RPH3AL: variants seen among roughly 807,000 people sequenced by gnomAD.
RPH3AL encodes the protein rabphilin 3A like (without C2 domains).
Under a neutral mutation model 43.1 loss-of-function variants are expected in RPH3AL, and 38 were observed. That is an observed-to-expected ratio of 0.88 (90% CI 0.68 to 1.15). The LOEUF (loss-of-function observed/expected upper bound fraction) is 1.15. Ranked by LOEUF, RPH3AL falls within the 50% of genes most tolerant of loss-of-function variation. RPH3AL has a pLI of 0.00. For synonymous variants in RPH3AL, 189 were observed against 176.3 expected, an observed-to-expected ratio of 1.07 and a Z score of -0.57; for missense variants, 462 against 423.2, an observed-to-expected ratio of 1.09 and a Z score of -0.81.
At position 213,628 on chromosome 17, in the gene RPH3AL, G is replaced by A. The variant is rs905227268; in HGVS notation, c.*224C>T. ...GGGGAGGGTAATAAATAAGGTCGGG[G>A]GCTGAGGGCAGTGGTTGGAGGGGGT... is the stretch of plus-strand genomic sequence containing the variant. On this transcript the variant is annotated 3_prime_UTR_variant, in exon 10 of 10. Transcript: ENST00000331302. 7.2e-5 allele frequency: 43 copies of A among 594,478 alleles called. No homozygotes were observed. The highest frequency in any genetic ancestry group is 9.9e-5 in the Non-Finnish European group (33 of 332,228). 36.8% of individuals were successfully genotyped at this position (594,478 alleles called of 1,614,324 possible).
At chr17:260,420 G>A (rs781919704) in intron 6 of RPH3AL, among the ~76,000 whole-genome samples, 70 of 152,268 alleles carry the variant, frequency 4.6e-4, no homozygotes, top group Non-Finnish European at 7.4e-4. Context: ...CTGGATTCCC[G>A]GGACCCAGTG....
Position 321,428 on chromosome 17 carries a change from C to A in RPH3AL, c.78-13G>T. On this transcript the variant is annotated splice_polypyrimidine_tract_variant and intron_variant, in intron 3 of 9. Transcript: ENST00000331302. ...GCCCGTCTGCAGCCTCGAGAGGGAACAGCACAGACGGCGTGGAGGCCTCCC... is the reference window on the plus strand; with the variant it reads ...GCCCGTCTGCAGCCTCGAGAGGGAAAAGCACAGACGGCGTGGAGGCCTCCC... The A allele has an allele frequency of 6.3e-7, 1 of 1,593,454 alleles. No individual in the cohort carries two copies. The highest frequency in any genetic ancestry group is 2.2e-5 in the East Asian group (1 of 44,458).
chr17:311,026 A>G (rs1432714610), intron 5 of RPH3AL, among the ~76,000 whole-genome samples: 1 of 151,806 alleles, frequency 6.6e-6, no homozygotes, highest in Non-Finnish European at 1.5e-5. Flanking sequence ...ACTCCCCTGC[A>G]CCTGCCCATT....
At position 258,824 on chromosome 17, in the gene RPH3AL, G is replaced by A. The variant is rs117663427; in HGVS notation, c.439-11539C>T. Among the ~76,000 whole-genome samples the A allele has an allele frequency of 6.3e-4, 90 of 143,726 alleles. No homozygotes were observed. In the East Asian group the frequency reaches 0.011, roughly 18 times the overall value. The allele number at this position is 143,726 out of a possible 152,430, so 94.3% of individuals were successfully genotyped here. On this transcript the variant is annotated intron_variant, in intron 6 of 9. Coordinates refer to ENST00000331302, the MANE Select transcript of RPH3AL (RefSeq NM_006987.4). Reference sequence around the variant, plus strand: ...TGCCCAGGCTGGAGTGCAATGGCACGATCATGGCTCACTGCAGCCTTGACA... The same window carrying A: ...TGCCCAGGCTGGAGTGCAATGGCACAATCATGGCTCACTGCAGCCTTGACA...
intron 5 of RPH3AL, among the ~76,000 whole-genome samples, chr17:301,804 C>T (rs370396276): frequency 5.3e-5 from 8 of 152,134 alleles, no homozygotes; most frequent in East Asian, 3.9e-4. Flanking sequence ...TGACCCGAGC[C>T]GTAGGAGTCA....
At chr17:231,954 G>A (rs1038484196) in intron 7 of RPH3AL, among the ~76,000 whole-genome samples, 7 of 152,382 alleles carry the variant, frequency 4.6e-5, no homozygotes, top group South Asian at 2.1e-4. Flanking sequence ...GGAAGAGGTC[G>A]GGTGTGGCAG....
At chr17:278,538 T>C (rs960010436) in intron 6 of RPH3AL, among the ~76,000 whole-genome samples, 8 of 151,922 alleles carry the variant, frequency 5.3e-5, no homozygotes, top group Non-Finnish European at 8.8e-5. Flanking sequence ...CTACTTGGAA[T>C]GCTTTCCCTC....
intron 6 of RPH3AL, among the ~76,000 whole-genome samples, chr17:277,247 A>G (rs1054724586): frequency 1.1e-4 from 16 of 152,242 alleles, no homozygotes; most frequent in African/African-American, 3.6e-4. Flanking sequence ...ATTCATTTTA[A>G]AACACAGGTT....
In RPH3AL at chr17:269,224, G is replaced by A. The variant is rs8082097; in HGVS notation, c.438+12544C>T. 3.2e-3 allele frequency among the ~76,000 whole-genome samples: 480 copies of A among 151,956 alleles called. 2 individuals are homozygous for A. Among genetic ancestry groups the A allele is most frequent in the African/African-American group, 0.011 (445 of 41,454 alleles). On this transcript the variant is annotated intron_variant, in intron 6 of 9. Coordinates refer to ENST00000331302, the MANE Select transcript of RPH3AL (RefSeq NM_006987.4). Reference sequence around the variant, plus strand: ...GAGGGATCGCCATGTTGCCCAGGCTGGTCTTGAACTTCTGTGGCCTCAAGC... The same window carrying A: ...GAGGGATCGCCATGTTGCCCAGGCTAGTCTTGAACTTCTGTGGCCTCAAGC...
chr17:302,871 G>A lies in RPH3AL; in HGVS notation c.351+16549C>T, dbSNP rs952000066. Among the ~76,000 whole-genome samples the A allele has an allele frequency of 4.6e-5, 7 of 152,258 alleles. 1 individual carries two copies. The highest frequency in any genetic ancestry group is 4.6e-4 in the Admixed American group (7 of 15,288). Reference sequence around the variant, plus strand: ...AGGCATCCACCCTGCGAACATTTGTGTGAGTGCGAAGAGACAGAGAAGGTG... The same window carrying A: ...AGGCATCCACCCTGCGAACATTTGTATGAGTGCGAAGAGACAGAGAAGGTG... On this transcript the variant is annotated intron_variant, in intron 5 of 9. Coordinates refer to ENST00000331302, the MANE Select transcript of RPH3AL (RefSeq NM_006987.4).
chr17:230,562 T>G (rs2041208109), intron 7 of RPH3AL, among the ~76,000 whole-genome samples: 1 of 152,160 alleles, frequency 6.6e-6, no homozygotes, highest in Non-Finnish European at 1.5e-5. Flanking sequence ...TGGACTCCTC[T>G]GGGGCCAGGA....
intron 5 of RPH3AL, among the ~76,000 whole-genome samples, chr17:315,079 C>T (rs1555519408): frequency 1.4e-5 from 2 of 146,408 alleles, no homozygotes. Flanking sequence ...TGTGCTCCAC[C>T]TCCACTGAAT....
chr17:317,199 C>A (rs79530110), intron 5 of RPH3AL, among the ~76,000 whole-genome samples: 1 of 97,206 alleles, frequency 1.0e-5, no homozygotes, highest in African/African-American at 3.1e-5. Context: ...ACCTGTAGTC[C>A]CTGTACTCCA....
chr17:293,026 C>A (rs910355706), intron 5 of RPH3AL, among the ~76,000 whole-genome samples: 1 of 152,214 alleles, frequency 6.6e-6, no homozygotes, highest in Non-Finnish European at 1.5e-5. Flanking sequence ...TGGCTGCTGG[C>A]GGCTCCCAGG....
In RPH3AL at chr17:225,449, G is replaced by A. The variant is rs1007719171; in HGVS notation, c.614-5713C>T. ...AGCATTTCTGTAGTTTTGACTCACT[G>A]ATGAGATGCCAACCTCATGGGTCCC... is the stretch of plus-strand genomic sequence containing the variant. On this transcript the variant is annotated intron_variant, in intron 7 of 9. Coordinates refer to ENST00000331302, the MANE Select transcript of RPH3AL (RefSeq NM_006987.4). The surrounding 1 kb of genome is among the most constrained non-coding windows in gnomAD (Gnocchi z 4.4). 1.3e-5 allele frequency among the ~76,000 whole-genome samples: 2 copies of A among 152,162 alleles called. No individual in the cohort carries two copies. Among genetic ancestry groups the A allele is most frequent in the African/African-American group, 4.8e-5 (2 of 41,428 alleles).
rs753509259 is a variant in RPH3AL at position 319,543 on chromosome 17, C to A, written c.228G>T (p.Leu76=). The A allele has an allele frequency of 4.3e-6, 7 of 1,610,790 alleles. No homozygotes were observed. The highest frequency in any genetic ancestry group is 5.9e-6 in the Non-Finnish European group (7 of 1,179,952). ...DVLEQQRIGR[L]VERLETMRRN... Reference sequence around the variant, plus strand: ...GCCTCATGGTCTCCAGCCGCTCCACCAGCCGCCTGCAGCACAGGACACAGA... The same window carrying A: ...GCCTCATGGTCTCCAGCCGCTCCACAAGCCGCCTGCAGCACAGGACACAGA... Residue 76 remains leucine, a synonymous_variant, in exon 5 of 10, where the codon CTG becomes CTT. Transcript: ENST00000331302.
chr17:321,974 A>C (rs767793567), intron 3 of RPH3AL, among the ~76,000 whole-genome samples: 30 of 152,374 alleles, frequency 2.0e-4, no homozygotes, highest in Non-Finnish European at 3.2e-4. Flanking sequence ...GAGCTCCGTA[A>C]GGTAGTGAGA....
chr17:284,841 C>T (rs547249433), intron 5 of RPH3AL, among the ~76,000 whole-genome samples: 1 of 152,310 alleles, frequency 6.6e-6, no homozygotes, highest in African/African-American at 2.4e-5. Flanking sequence ...CGGCCCCGGT[C>T]GGGGTGCCCA....
intron 5 of RPH3AL, among the ~76,000 whole-genome samples, chr17:299,131 A>G (rs888920929): frequency 6.6e-6 from 1 of 152,120 alleles, no homozygotes; most frequent in Non-Finnish European, 1.5e-5. Flanking sequence ...TAGAGGATGC[A>G]CTGGAAAGCG....
Sources: allele counts gnomAD v4.1 joint callset (sites outside exome capture counted in the v4.1 genomes callset), GRCh38; gene constraint gnomAD v4.1.1; non-coding constraint Gnocchi (gnomAD v3.1); transcripts MANE v1.5; gene names NCBI Gene and HGNC (gene_info 2026-07-23, HGNC 2026-07-21).